The following EXT1 variants were observed in gnomAD, a reference collection of about 807,000 sequenced individuals.
EXT1 encodes the protein exostosin glycosyltransferase 1.
Under a neutral mutation model 82.5 loss-of-function variants are expected in EXT1, and 20 were observed. That is an observed-to-expected ratio of 0.24 (90% confidence interval 0.17 to 0.35). The LOEUF (loss-of-function observed/expected upper bound fraction) is 0.35, where lower values mean the gene tolerates loss of function less well. Ranked by LOEUF, EXT1 falls within the 10% of genes least tolerant of loss-of-function variation. The pLI is 1.00. For synonymous variants in EXT1, 348 were observed against 350.8 expected (o/e 0.99, Z 0.09); for missense variants, 757 against 936.5 (o/e 0.81, Z 2.50).
At chr8:118,019,824 C>A (rs1816069201) in intron 1 of EXT1, among the ~76,000 whole-genome samples, 1 of 152,158 alleles carries the variant, frequency 6.6e-6, no homozygotes, top group Admixed American at 6.5e-5. Flanking sequence ...GTGGCAGATT[C>A]CAGACTCTGC....
intron 1 of EXT1, among the ~76,000 whole-genome samples, chr8:118,092,045 G>A (rs1268067065): frequency 6.6e-6 from 1 of 152,126 alleles, no homozygotes; most frequent in Non-Finnish European, 1.5e-5. Context: ...GTTATTCAAG[G>A]TTATAACTAA....
chr8:118,030,904 A>G (rs1816303469), intron 1 of EXT1, among the ~76,000 whole-genome samples: 1 of 152,206 alleles, frequency 6.6e-6, no homozygotes, highest in South Asian at 2.1e-4. Context: ...ACAAAAAGGG[A>G]TACTTGGTTC....
chr8:118,075,417 C>A (rs1817189761), intron 1 of EXT1, among the ~76,000 whole-genome samples: 1 of 152,164 alleles, frequency 6.6e-6, no homozygotes, highest in African/African-American at 2.4e-5. Context: ...TCCTCTAAGG[C>A]ACAGAAATGT....
chr8:117,858,774 C>CA lies in EXT1; in HGVS notation c.963-21574dup, dbSNP rs1563582037. Among the ~76,000 whole-genome samples the CA allele has an allele frequency of 1.9e-3, 186 of 97,302 alleles. 2 individuals carry two copies. The highest frequency in any genetic ancestry group is 2.5e-3 in the African/African-American group (46 of 18,420). The allele number at this position is 97,302 out of a possible 152,430, so 63.8% of individuals were successfully genotyped here. ...GAAGGAAGGAAGGAAGGAAGGCAGG[C>CA]AGGCAGGCAGGCAGGCAAGGCAAGG... On this transcript the variant is annotated intron_variant, in intron 1 of 10. Coordinates refer to ENST00000378204, the MANE Select transcript of EXT1 (RefSeq NM_000127.3).
At chr8:117,875,084 T>C (rs1812943945) in intron 1 of EXT1, among the ~76,000 whole-genome samples, 1 of 152,196 alleles carries the variant, frequency 6.6e-6, no homozygotes, top group Non-Finnish European at 1.5e-5. Flanking sequence ...TGAGTTGATA[T>C]GAAGGCTGGA....
chr8:118,009,171 T>C (rs775212632), intron 1 of EXT1, among the ~76,000 whole-genome samples: 2 of 152,192 alleles, frequency 1.3e-5, no homozygotes, highest in African/African-American at 4.8e-5. Flanking sequence ...CTGTGAGTCC[T>C]ATCTGGTGAA....
chr8:117,959,568 C>T (rs1056592288), intron 1 of EXT1, among the ~76,000 whole-genome samples: 3 of 152,294 alleles, frequency 2.0e-5, no homozygotes, highest in South Asian at 4.1e-4. Flanking sequence ...ATAAGCACTT[C>T]GCATTATCTT....
chr8:117,891,805 C>CCTT, intron 1 of EXT1, among the ~76,000 whole-genome samples: 1 of 121,034 alleles, frequency 8.3e-6, no homozygotes, highest in African/African-American at 3.1e-5. Context: ...TTTTTTCTTG[C>CCTT]TTTTTTTTTT....
chr8:117,865,192 G>T (rs1030110341), intron 1 of EXT1, among the ~76,000 whole-genome samples: 2 of 152,092 alleles, frequency 1.3e-5, no homozygotes, highest in Non-Finnish European at 2.9e-5. Flanking sequence ...TTTTGAGACA[G>T]GGTCTTGCTT....
intron 1 of EXT1, among the ~76,000 whole-genome samples, chr8:118,075,965 G>C (rs1817201347): frequency 6.6e-6 from 1 of 152,012 alleles, no homozygotes; most frequent in South Asian, 2.1e-4. Context: ...AGATTTAAGG[G>C]GGACAAATAT....
At chr8:117,914,654 C>T (rs533948369) in intron 1 of EXT1, among the ~76,000 whole-genome samples, 5 of 152,080 alleles carry the variant, frequency 3.3e-5, no homozygotes, top group South Asian at 2.1e-4. Flanking sequence ...CTATCTTATG[C>T]GGTTGAGATA....
At chr8:117,893,336 G>T (rs1255123213) in intron 1 of EXT1, among the ~76,000 whole-genome samples, 1 of 152,180 alleles carries the variant, frequency 6.6e-6, no homozygotes, top group Non-Finnish European at 1.5e-5. Context: ...ATGAGGCACA[G>T]AAAAGCCATT....
intron 1 of EXT1, among the ~76,000 whole-genome samples, chr8:118,109,503 A>G (rs971157599): frequency 6.6e-6 from 1 of 152,182 alleles, no homozygotes; most frequent in African/African-American, 2.4e-5. Context: ...GTCTCCCTTC[A>G]TAAAAGTCAA....
At chr8:117,981,956 A>G (rs964961968) in intron 1 of EXT1, among the ~76,000 whole-genome samples, 1 of 152,102 alleles carries the variant, frequency 6.6e-6, no homozygotes, top group East Asian at 1.9e-4. Flanking sequence ...AACTAAACTA[A>G]ATTTCATTTT....
At chr8:117,913,152 G>A (rs1219086618) in intron 1 of EXT1, among the ~76,000 whole-genome samples, 4 of 152,140 alleles carry the variant, frequency 2.6e-5, no homozygotes, top group Non-Finnish European at 5.9e-5. Flanking sequence ...AACCCGGGAG[G>A]TGGAGGTTGC....
At chr8:118,013,061 ATC>A (rs1317414926) in intron 1 of EXT1, among the ~76,000 whole-genome samples, 1 of 151,986 alleles carries the variant, frequency 6.6e-6, no homozygotes, top group Non-Finnish European at 1.5e-5. Context: ...TTGAGACAGA[ATC>A]TCTCTCTGTT....
intron 1 of EXT1, among the ~76,000 whole-genome samples, chr8:117,859,793 A>C (rs1449801196): frequency 6.6e-6 from 1 of 152,226 alleles, no homozygotes; most frequent in Non-Finnish European, 1.5e-5. Flanking sequence ...GATTGGATTA[A>C]ATAAATGGTG....
chr8:117,907,268 T>C (rs1455454816), intron 1 of EXT1, among the ~76,000 whole-genome samples: 1 of 152,234 alleles, frequency 6.6e-6, no homozygotes, highest in Admixed American at 6.5e-5. Flanking sequence ...AGTTTAGCAA[T>C]TTTCCCTAAC....
rs73325949 is a variant in EXT1, at chr8:118,032,232, G to A, written c.962+77853C>T. 9.8e-3 allele frequency among the ~76,000 whole-genome samples: 1,479 copies of A among 151,262 alleles called. 20 individuals carry two copies. The highest frequency in any genetic ancestry group is 0.033 in the African/African-American group (1,368 of 41,308). ...CAGTGACCCTCAATCTGTAGTCCCC[G>A]GAGCAGAAACAGCAGGAGCAACTCC... On this transcript the variant is annotated intron_variant, in intron 1 of 10. Coordinates refer to ENST00000378204, the MANE Select transcript of EXT1 (RefSeq NM_000127.3).
Sources: gnomAD v4.1 joint callset for allele counts (sites outside exome capture counted in the v4.1 genomes callset) on GRCh38, gnomAD v4.1.1 for gene constraint, MANE v1.5 for transcripts, NCBI Gene and HGNC (gene_info 2026-07-23, HGNC 2026-07-21) for gene names.